Variants in GPHN observed in about 807,000 individuals in gnomAD.
The protein encoded by GPHN is gephyrin.
In GPHN, 17 loss-of-function variants were observed where a neutral mutation model predicts 95.5. The ratio of observed to expected loss-of-function variants is 0.18; its 90% confidence interval spans 0.12 to 0.27. The LOEUF (loss-of-function observed/expected upper bound fraction) is 0.27, where lower values mean the gene tolerates loss of function less well. Among genes scored for constraint, GPHN ranks in the 10% least tolerant of loss-of-function variants. GPHN has a pLI of 1.00. For synonymous variants in GPHN, 320 were observed against 322.5 expected (o/e 0.99, Z 0.08); for missense variants, 660 against 978.1 (o/e 0.67, Z 4.34).
At chr14:66,800,994 G>A (rs1471235290) in intron 3 of GPHN, among the ~76,000 whole-genome samples, 4 of 152,080 alleles carry the variant, frequency 2.6e-5, no homozygotes, top group Admixed American at 6.5e-5. Context: ...GCACTCTTTA[G>A]TATGCCAATT....
chr14:67,436,794 G>A, the GPHN span, among the ~76,000 whole-genome samples: 22 of 152,330 alleles, frequency 1.4e-4, no homozygotes, highest in African/African-American at 5.0e-4. Context: ...TGTGGCTCAC[G>A]CTTGTCATCC....
chr14:67,125,351 C>G (rs1412711836), intron 17 of GPHN, among the ~76,000 whole-genome samples: 1 of 152,140 alleles, frequency 6.6e-6, no homozygotes, highest in African/African-American at 2.4e-5. Flanking sequence ...CTTCTTCATC[C>G]TATTCAGCCA....
the GPHN span, chr14:67,199,514 T>G: frequency 6.2e-7 from 1 of 1,612,732 alleles, no homozygotes; most frequent in Non-Finnish European, 8.5e-7. Flanking sequence ...TTTTGCTTCA[T>G]TTGATGCTTC....
chr14:67,062,512 A>G (rs1427167296), intron 11 of GPHN, among the ~76,000 whole-genome samples: 2 of 152,384 alleles, frequency 1.3e-5, no homozygotes, highest in East Asian at 1.9e-4. Flanking sequence ...AGAAGGTTCA[A>G]TAATAATCCC....
chr14:67,531,857 T>A, the GPHN span, among the ~76,000 whole-genome samples: 1 of 139,710 alleles, frequency 7.2e-6, no homozygotes, highest in Non-Finnish European at 1.5e-5. Context: ...CAGTGAGCTA[T>A]GATTGTGCCA....
chr14:67,610,775 C>T, the GPHN span, among the ~76,000 whole-genome samples: 3 of 152,252 alleles, frequency 2.0e-5, no homozygotes, highest in African/African-American at 7.2e-5. Flanking sequence ...GTTTCAGTTC[C>T]CCAGCTCCCT....
At chr14:67,312,793 C>A in the GPHN span, 1 of 1,073,196 alleles carries the variant, frequency 9.3e-7, no homozygotes, top group Non-Finnish European at 1.3e-6. Context: ...CTCACTCTTT[C>A]ATGCCTCTAT....
At chr14:67,561,335 G>A in the GPHN span, among the ~76,000 whole-genome samples, 12 of 152,176 alleles carry the variant, frequency 7.9e-5, no homozygotes, top group Admixed American at 3.3e-4. Flanking sequence ...TGGATTGCTC[G>A]ACACTAGGAG....
the GPHN span, among the ~76,000 whole-genome samples, chr14:67,293,604 AT>A: frequency 6.6e-6 from 1 of 152,190 alleles, no homozygotes; most frequent in South Asian, 2.1e-4. Context: ...ATTTCTTAAA[AT>A]TACTTTTCTT....
chr14:67,231,875 A>G, the GPHN span, among the ~76,000 whole-genome samples: 1 of 151,726 alleles, frequency 6.6e-6, no homozygotes, highest in Non-Finnish European at 1.5e-5. Context: ...AGGCTGAGGT[A>G]GGAGAATTGC....
intron 1 of GPHN, among the ~76,000 whole-genome samples, chr14:66,573,523 G>T (rs2060781552): frequency 1.3e-5 from 2 of 150,930 alleles, no homozygotes; most frequent in South Asian, 4.2e-4. Flanking sequence ...TGCGATCTTG[G>T]CTCATTGCAA....
the GPHN span, among the ~76,000 whole-genome samples, chr14:67,699,952 C>A: frequency 6.6e-6 from 1 of 150,596 alleles, no homozygotes; most frequent in Non-Finnish European, 1.5e-5. Flanking sequence ...CCATCCTGGC[C>A]AACATGGTGA....
At chr14:67,244,670 A>G in the GPHN span, among the ~76,000 whole-genome samples, 6 of 152,240 alleles carry the variant, frequency 3.9e-5, no homozygotes, top group Non-Finnish European at 8.8e-5. Context: ...AATCTTTGCA[A>G]ATAGGTTTTT....
the GPHN span, among the ~76,000 whole-genome samples, chr14:67,397,232 C>A: frequency 1.3e-5 from 2 of 152,220 alleles, no homozygotes; most frequent in Admixed American, 1.3e-4. Context: ...AGCCACCACG[C>A]CCAGCCTAGA....
chr14:66,804,627 CCTA>C (rs1364802327), intron 3 of GPHN, among the ~76,000 whole-genome samples: 1 of 152,122 alleles, frequency 6.6e-6, no homozygotes, highest in Non-Finnish European at 1.5e-5. Context: ...TAACAGTCAG[CCTA>C]TGTCCAAAAT....
At chr14:66,520,466 A>C (rs2058430610) in intron 1 of GPHN, among the ~76,000 whole-genome samples, 1 of 152,172 alleles carries the variant, frequency 6.6e-6, no homozygotes, top group South Asian at 2.1e-4. Context: ...AAACTTACAT[A>C]GCCATAGATT....
intron 1 of GPHN, among the ~76,000 whole-genome samples, chr14:66,558,244 C>CTATA (rs1221792454): frequency 6.6e-6 from 1 of 151,986 alleles, no homozygotes; most frequent in Admixed American, 6.6e-5. Context: ...TCCTGAGGAA[C>CTATA]TATAGCATCA....
intron 2 of GPHN, among the ~76,000 whole-genome samples, chr14:66,691,309 C>T (rs748504188): frequency 1.3e-5 from 2 of 151,926 alleles, no homozygotes; most frequent in Non-Finnish European, 2.9e-5. Flanking sequence ...CTCAGCCTCC[C>T]GAGTAGCTGG....
chr14:67,646,901 C>T, the GPHN span: 1 of 1,514,692 alleles, frequency 6.6e-7, no homozygotes, highest in Non-Finnish European at 9.2e-7. Context: ...AAGGACTCCT[C>T]CCTTTATATC....
Sources: gnomAD v4.1 joint callset for allele counts (sites outside exome capture counted in the v4.1 genomes callset) on GRCh38, gnomAD v4.1.1 for gene constraint, MANE v1.5 for transcripts, NCBI Gene and HGNC (gene_info 2026-07-23, HGNC 2026-07-21) for gene names.